Variants in ENTREP2 observed in about 807,000 individuals in gnomAD.
The protein encoded by ENTREP2 is endosomal transmembrane epsin interactor 2.
chr15:29,373,647 T>C, the ENTREP2 span: 1 of 152,122 alleles, frequency 6.6e-6, no homozygotes, highest in Non-Finnish European at 1.5e-5. Context: ...ATTTTTATTG[T>C]CTCCTACTTG....
the ENTREP2 span, among the ~76,000 whole-genome samples, chr15:29,479,672 C>A: frequency 1.6e-5 from 2 of 124,048 alleles, no homozygotes; most frequent in Admixed American, 7.8e-5. Context: ...CACATACACA[C>A]ACACACATAC....
chr15:29,628,417 T>C, the ENTREP2 span, among the ~76,000 whole-genome samples: 1 of 152,212 alleles, frequency 6.6e-6, no homozygotes, highest in African/African-American at 2.4e-5. Flanking sequence ...TTTGTGAAGG[T>C]TTGTTTTTTA....
At chr15:29,660,620 G>T in the ENTREP2 span, among the ~76,000 whole-genome samples, 4 of 152,172 alleles carry the variant, frequency 2.6e-5, no homozygotes, top group Non-Finnish European at 5.9e-5. Context: ...AATTAAAATT[G>T]TAAAGTAATG....
the ENTREP2 span, among the ~76,000 whole-genome samples, chr15:29,656,526 C>A: frequency 6.6e-6 from 1 of 152,172 alleles, no homozygotes; most frequent in Admixed American, 6.5e-5. Context: ...TGTGCCTGGC[C>A]AGTAAATTTT....
the ENTREP2 span, among the ~76,000 whole-genome samples, chr15:29,209,477 G>C: frequency 3.3e-5 from 5 of 152,072 alleles, no homozygotes; most frequent in Non-Finnish European, 7.4e-5. Context: ...ACTCCAGCCT[G>C]GGCAACAGGG....
the ENTREP2 span, among the ~76,000 whole-genome samples, chr15:29,389,098 G>A: frequency 6.7e-6 from 1 of 148,308 alleles, no homozygotes; most frequent in Admixed American, 6.8e-5. Context: ...ATGTACCCTA[G>A]AACTTAAAGT....
the ENTREP2 span, among the ~76,000 whole-genome samples, chr15:29,202,835 A>G: frequency 7.7e-3 from 1,166 of 152,336 alleles, 23 homozygotes; most frequent in African/African-American, 0.027. Context: ...TTATGGCTGC[A>G]TAGTATTCCA....
the ENTREP2 span, among the ~76,000 whole-genome samples, chr15:29,276,837 A>T: frequency 6.6e-6 from 1 of 152,358 alleles, no homozygotes; most frequent in East Asian, 1.9e-4. Flanking sequence ...TTCAGGGGAA[A>T]AAAGGGTAGT....
chr15:29,580,060 G>A, the ENTREP2 span, among the ~76,000 whole-genome samples: 1 of 151,948 alleles, frequency 6.6e-6, no homozygotes, highest in African/African-American at 2.4e-5. Context: ...TGCCAAGGCT[G>A]GTCTCTAAAC....
At chr15:29,328,937 C>A in the ENTREP2 span, among the ~76,000 whole-genome samples, 1 of 152,164 alleles carries the variant, frequency 6.6e-6, no homozygotes, top group Non-Finnish European at 1.5e-5. Flanking sequence ...TATTCTAATA[C>A]CCCTGTAGGT....
the ENTREP2 span, among the ~76,000 whole-genome samples, chr15:29,512,989 T>C: frequency 6.6e-6 from 1 of 152,222 alleles, no homozygotes; most frequent in Admixed American, 6.5e-5. Flanking sequence ...ACCCAAGGAT[T>C]CTTTCTTTTC....
chr15:29,339,686 G>A, the ENTREP2 span, among the ~76,000 whole-genome samples: 1 of 152,212 alleles, frequency 6.6e-6, no homozygotes, highest in African/African-American at 2.4e-5. Flanking sequence ...TTTGACTTGC[G>A]AGAAAGATGT....
chr15:29,594,380 G>A, the ENTREP2 span, among the ~76,000 whole-genome samples: 1 of 152,148 alleles, frequency 6.6e-6, no homozygotes, highest in East Asian at 1.9e-4. Flanking sequence ...CTTCCTCCCC[G>A]ACATGCCTCC....
the ENTREP2 span, among the ~76,000 whole-genome samples, chr15:29,478,920 C>T: frequency 2.9e-5 from 4 of 136,770 alleles, no homozygotes; most frequent in African/African-American, 1.1e-4. Context: ...GCAGGCCAGG[C>T]GTGGTGGCTC....
the ENTREP2 span, chr15:29,123,121 G>T: frequency 1.9e-6 from 1 of 528,302 alleles, no homozygotes; most frequent in Non-Finnish European, 3.3e-6. Context: ...ACTGGGCTAG[G>T]CAGGAAATGC....
At chr15:29,620,864 C>T in the ENTREP2 span, among the ~76,000 whole-genome samples, 1 of 152,044 alleles carries the variant, frequency 6.6e-6, no homozygotes, top group South Asian at 2.1e-4. Flanking sequence ...GAACAAATCC[C>T]TCTCATTTGA....
chr15:29,436,216 A>C, the ENTREP2 span, among the ~76,000 whole-genome samples: 1 of 152,200 alleles, frequency 6.6e-6, no homozygotes, highest in South Asian at 2.1e-4. Flanking sequence ...GAGAAGAAAA[A>C]TGTAGCTGTT....
the ENTREP2 span, among the ~76,000 whole-genome samples, chr15:29,199,006 G>A: frequency 2.0e-5 from 3 of 152,332 alleles, no homozygotes; most frequent in South Asian, 2.1e-4. Context: ...GTCACGGGAC[G>A]TTTGGATTGT....
At chr15:29,269,645 A>C in the ENTREP2 span, 1 of 1,576,340 alleles carries the variant, frequency 6.3e-7, no homozygotes, top group Non-Finnish European at 8.6e-7. Flanking sequence ...CTATGGCTCC[A>C]GTCTCTGTCC....
Sources: gnomAD v4.1 joint callset for allele counts (sites outside exome capture counted in the v4.1 genomes callset) on GRCh38, gnomAD v4.1.1 for gene constraint, MANE v1.5 for transcripts, NCBI Gene and HGNC (gene_info 2026-07-23, HGNC 2026-07-21) for gene names.